Variants in APOLD1 observed in about 807,000 individuals in gnomAD.
APOLD1 encodes apolipoprotein L domain-containing protein 1.
Under a neutral mutation model 15.3 loss-of-function variants are expected in APOLD1, and 22 were observed. That is an observed-to-expected ratio of 1.44 (90% CI 1.03 to 2.05). The LOEUF (loss-of-function observed/expected upper bound fraction) is 2.05, where lower values mean the gene tolerates loss of function less well. Among genes scored for constraint, APOLD1 ranks in the 30% most tolerant of loss-of-function variants. The pLI, the probability that APOLD1 is intolerant of heterozygous loss-of-function variation, is 0.00. For synonymous variants in APOLD1, 190 were observed against 167.4 expected (o/e 1.13, Z -1.04); for missense variants, 394 against 353.5 (o/e 1.11, Z -0.92).
At position 12,744,809 on chromosome 12, in the gene APOLD1, C is replaced by T. The variant is rs573439528; in HGVS notation, c.96+18713C>T. ...TGTCTGGCTCCTGGCCTCCTCTTGC[C>T]AGGTGATTTGGCCTCATTCTGAACC... is the stretch of plus-strand genomic sequence containing the variant. On this transcript the variant is annotated intron_variant, in intron 1 of 1. Transcript: ENST00000326765. Among the ~76,000 whole-genome samples, 6 of 152,180 alleles carry T rather than the reference C, an allele frequency of 3.9e-5. No homozygotes were observed. The East Asian group carries it at 1.2e-3, about 29-fold the overall frequency.
At chr12:12,757,008 A>G (rs952809351) in intron 1 of APOLD1, among the ~76,000 whole-genome samples, 8 of 152,188 alleles carry the variant, frequency 5.3e-5, no homozygotes, top group African/African-American at 1.9e-4. Context: ...GCTAGTCTCA[A>G]ACTCCTGACC....
At chr12:12,745,478 C>A (rs111713495) in intron 1 of APOLD1, among the ~76,000 whole-genome samples, 2 of 151,858 alleles carry the variant, frequency 1.3e-5, no homozygotes, top group Admixed American at 1.3e-4. Flanking sequence ...TGCGGTGGGC[C>A]AATATCGTGC....
chr12:12,782,504 C>T (rs759405398), upstream of APOLD1, among the ~76,000 whole-genome samples: 8 of 152,110 alleles, frequency 5.3e-5, no homozygotes, highest in African/African-American at 7.2e-5. Context: ...CAGCTAATGC[C>T]GCGGTTCAGC....
chr12:12,781,080 T>C (rs1390793247), upstream of APOLD1, among the ~76,000 whole-genome samples: 1 of 152,166 alleles, frequency 6.6e-6, no homozygotes, highest in African/African-American at 2.4e-5. Flanking sequence ...ATAAGATATA[T>C]TACATTGCAA....
chr12:12,771,654 A>C (rs1592305400), intron 1 of APOLD1: 1 of 491,732 alleles, frequency 2.0e-6, no homozygotes, highest in East Asian at 5.6e-5. Context: ...GTTCATTGAA[A>C]CCCAAGCCTC....
At chr12:12,743,488 C>T (rs1441372094) in intron 1 of APOLD1, among the ~76,000 whole-genome samples, 1 of 152,158 alleles carries the variant, frequency 6.6e-6, no homozygotes, top group Non-Finnish European at 1.5e-5. Flanking sequence ...AGGGCCTTTC[C>T]ATCTGTGGTC....
At chr12:12,764,371 GA>G (rs1946928163) in intron 1 of APOLD1, among the ~76,000 whole-genome samples, 1 of 152,094 alleles carries the variant, frequency 6.6e-6, no homozygotes, top group Non-Finnish European at 1.5e-5. Context: ...AATTCTCCCT[GA>G]TGATGTTTAT....
At chr12:12,785,605 G>A (rs746269349), upstream of APOLD1, 103 of 1,613,384 alleles carry the variant, frequency 6.4e-5, no homozygotes, top group Non-Finnish European at 8.4e-5. Context: ...GGCTTTCCCA[G>A]GGCAGCCATT....
intron 1 of APOLD1, among the ~76,000 whole-genome samples, chr12:12,772,978 C>A (rs1207264376): frequency 6.6e-6 from 1 of 152,014 alleles, no homozygotes; most frequent in Non-Finnish European, 1.5e-5. Flanking sequence ...ACTCGAGAGG[C>A]TGAGGTGGGA....
At chr12:12,737,291 A>T (rs1039419615) in intron 1 of APOLD1, among the ~76,000 whole-genome samples, 6 of 152,032 alleles carry the variant, frequency 3.9e-5, no homozygotes, top group African/African-American at 1.5e-4. Flanking sequence ...AACAACCTAG[A>T]GTTGGCCACT....
intron 1 of APOLD1, among the ~76,000 whole-genome samples, chr12:12,729,014 C>T (rs1340965699): frequency 6.6e-6 from 1 of 152,164 alleles, no homozygotes; most frequent in Non-Finnish European, 1.5e-5. Context: ...CATCCTGTTT[C>T]GTTCCTTTGT....
At chr12:12,769,937 C>T (rs1440485590) in intron 1 of APOLD1, among the ~76,000 whole-genome samples, 1 of 152,112 alleles carries the variant, frequency 6.6e-6, no homozygotes, top group Non-Finnish European at 1.5e-5. Context: ...GTTTCTTTAG[C>T]CCAAAACATC....
chr12:12,765,472 CA>C (rs1396921308), intron 1 of APOLD1, among the ~76,000 whole-genome samples: 1 of 152,136 alleles, frequency 6.6e-6, no homozygotes, highest in African/African-American at 2.4e-5. Flanking sequence ...AAGGCGAAGA[CA>C]AAGGTAAGAA....
intron 1 of APOLD1, among the ~76,000 whole-genome samples, chr12:12,774,546 C>CAA (rs57343706): frequency 5.4e-4 from 23 of 42,288 alleles, no homozygotes; most frequent in South Asian, 1.3e-3. Flanking sequence ...ACTCTAACTC[C>CAA]AAAAAAAAAA....
At chr12:12,739,983 AT>A (rs56013011) in intron 1 of APOLD1, among the ~76,000 whole-genome samples, 80,777 of 138,572 alleles carry the variant, frequency 0.58, 23,015 homozygotes, top group Admixed American at 0.65. Flanking sequence ...CATCCGGCTA[AT>A]TTTTTTTTTT....
chr12:12,776,485 A>C (rs917211535), intron 1 of APOLD1, among the ~76,000 whole-genome samples: 5 of 152,246 alleles, frequency 3.3e-5, no homozygotes, highest in African/African-American at 1.2e-4. Context: ...GCACCAGAAG[A>C]AAAGGCATGT....
chr12:12,779,998 G>A (rs10744007), intron 1 of APOLD1, among the ~76,000 whole-genome samples: 114,193 of 151,890 alleles, frequency 0.75, 43,765 homozygotes, highest in South Asian at 0.86. Context: ...ATATCCTAGA[G>A]GTCTTCTGCA....
chr12:12,770,784 A>AG (rs1284025942), intron 1 of APOLD1, among the ~76,000 whole-genome samples: 1 of 151,498 alleles, frequency 6.6e-6, no homozygotes, highest in African/African-American at 2.4e-5. Context: ...ACATGTTAAA[A>AG]AAAAAAAAAA....
At chr12:12,751,937 C>T (rs1048366953) in intron 1 of APOLD1, among the ~76,000 whole-genome samples, 1 of 152,086 alleles carries the variant, frequency 6.6e-6, no homozygotes, top group Admixed American at 6.5e-5. Context: ...GAGGAAGAAG[C>T]CGTAAGTCAA....
Sources: allele counts gnomAD v4.1 joint callset (sites outside exome capture counted in the v4.1 genomes callset), GRCh38; gene constraint gnomAD v4.1.1; transcripts MANE v1.5; gene names NCBI Gene and HGNC (gene_info 2026-07-23, HGNC 2026-07-21).